The following SH3BP4 variants were observed in gnomAD, a reference collection of about 807,000 sequenced individuals.
SH3BP4 encodes the protein SH3 domain-binding protein 4.
A neutral mutation model predicts 65.5 loss-of-function variants in SH3BP4; 33 were observed. That is an observed-to-expected ratio of 0.50 (90% CI 0.38 to 0.67). The LOEUF (loss-of-function observed/expected upper bound fraction) is 0.67. Ranked by LOEUF, SH3BP4 falls within the 30% of genes least tolerant of loss-of-function variation. The pLI is 0.00. For missense variants in SH3BP4, 1,134 were observed against 1,261.4 expected (o/e 0.90, Z 1.53); for synonymous variants, 552 against 545.5 (o/e 1.01, Z -0.17).
At chr2:235,023,501 C>T (rs868593788) in intron 2 of SH3BP4, among the ~76,000 whole-genome samples, 5 of 151,976 alleles carry the variant, frequency 3.3e-5, no homozygotes, top group South Asian at 4.2e-4. Flanking sequence ...GAGCCGAGAT[C>T]GCATCACTGC....
rs538828641 is a variant in SH3BP4, at chr2:235,052,394, C to T, written c.2479-168C>T. Among the ~76,000 whole-genome samples, 26 of 152,246 alleles carry T rather than the reference C, an allele frequency of 1.7e-4. No homozygotes were observed. Among genetic ancestry groups the T allele is most frequent in the Middle Eastern group, 3.4e-3 (1 of 292 alleles). On this transcript the variant is annotated intron_variant, in intron 4 of 5. Coordinates refer to ENST00000392011, the MANE Select transcript of SH3BP4 (RefSeq NM_014521.3). The surrounding 1 kb of genome is among the most constrained non-coding windows in gnomAD (Gnocchi z 5.0). ...GCTCTGCACATCATCTCTTTTCTCC[C>T]GTGAATCCTGGCAGTGATCGATTTC...
intron 2 of SH3BP4, among the ~76,000 whole-genome samples, chr2:235,029,790 G>T (rs1380866250): frequency 6.6e-6 from 1 of 152,182 alleles, no homozygotes; most frequent in African/African-American, 2.4e-5. Context: ...GGATGGGCGA[G>T]TCGGATCTGA....
intron 2 of SH3BP4, among the ~76,000 whole-genome samples, chr2:235,005,160 T>A (rs1227534665): frequency 2.6e-5 from 4 of 152,200 alleles, no homozygotes; most frequent in Non-Finnish European, 4.4e-5. Flanking sequence ...TGCCCAGGTG[T>A]CACACAGGAG....
Position 235,054,065 on chromosome 2 carries a change from T to C in SH3BP4, c.*249T>C, listed in dbSNP as rs1263926401. On this transcript the variant is annotated 3_prime_UTR_variant, in exon 6 of 6. Transcript: ENST00000392011. ...GTTAAGTATAAATTTAAATTTAAAA[T>C]CACTTTTTTAACGAATGGGGGGAAG... The C allele has an allele frequency of 6.9e-6, 3 of 434,136 alleles. No homozygotes were observed. Among genetic ancestry groups the C allele is most frequent in the Non-Finnish European group, 1.2e-5 (3 of 243,582 alleles). 26.9% of individuals were successfully genotyped at this position (434,136 alleles called of 1,614,324 possible).
intron 2 of SH3BP4, among the ~76,000 whole-genome samples, chr2:235,028,246 G>C (rs1054496414): frequency 6.6e-5 from 10 of 152,262 alleles, no homozygotes; most frequent in African/African-American, 2.4e-4. Flanking sequence ...AGGGGGTCTT[G>C]AGATCCAGTG....
chr2:235,008,878 C>G (rs1217374298), intron 2 of SH3BP4, among the ~76,000 whole-genome samples: 1 of 152,220 alleles, frequency 6.6e-6, no homozygotes, highest in African/African-American at 2.4e-5. Flanking sequence ...ATGGGAGCAG[C>G]TGGCTGCTGC....
At chr2:234,984,148 T>C (rs1242063660) in intron 1 of SH3BP4, among the ~76,000 whole-genome samples, 1 of 152,210 alleles carries the variant, frequency 6.6e-6, no homozygotes, top group East Asian at 1.9e-4. Flanking sequence ...GCTCTGGCAG[T>C]TGTCCTCAGC....
In SH3BP4 at chr2:235,011,799, G is replaced by A. The variant is rs150476008; in HGVS notation, c.-133+16423G>A. Reference sequence around the variant, plus strand: ...AATGAGAAGGATATGAGCATAAGAAGTCTTGCTTTTGGGAAGCAGCCCCAT... The same window carrying A: ...AATGAGAAGGATATGAGCATAAGAAATCTTGCTTTTGGGAAGCAGCCCCAT... On this transcript the variant is annotated intron_variant, in intron 2 of 5. Transcript: ENST00000392011. Among the ~76,000 whole-genome samples, 586 of 152,334 alleles carry A rather than the reference G, an allele frequency of 3.8e-3. 1 individual carries two copies. Among genetic ancestry groups the A allele is most frequent in the Non-Finnish European group, 6.6e-3 (447 of 68,038 alleles).
chr2:235,052,867 G>A lies in SH3BP4; in HGVS notation c.2667+117G>A, dbSNP rs1038531241. ...CGGCATTTCTGTGAGGGTGCAACAGGTGGAAATGTGCACGCATGTGCCCAG... is the reference window on the plus strand; with the variant it reads ...CGGCATTTCTGTGAGGGTGCAACAGATGGAAATGTGCACGCATGTGCCCAG... On this transcript the variant is annotated intron_variant, in intron 5 of 5. Transcript: ENST00000392011. This position sits in a 1 kb window ranked among gnomAD's most constrained non-coding sequence, Gnocchi z 5.0. 1 of 998,276 alleles carries A rather than the reference G, an allele frequency of 1.0e-6. No individual in the cohort carries two copies. Among genetic ancestry groups the A allele is most frequent in the Admixed American group, 2.5e-5 (1 of 39,620 alleles). The allele number at this position is 998,276 out of a possible 1,614,324, so 61.8% of individuals were successfully genotyped here.
chr2:234,967,546 A>T lies in SH3BP4; in HGVS notation c.-207+15376A>T, dbSNP rs10188962. Among the ~76,000 whole-genome samples the T allele has an allele frequency of 0.033, 5,074 of 152,296 alleles. 262 individuals are homozygous for T. The highest frequency in any genetic ancestry group is 0.11 in the African/African-American group (4,407 of 41,550). On this transcript the variant is annotated intron_variant, in intron 1 of 5. Transcript: ENST00000392011. This position sits in a 1 kb window ranked among gnomAD's most constrained non-coding sequence, Gnocchi z 4.6. ...GACCTTCCAGCCCTGCAGCTTCTGC[A>T]GCAGCCTTGCACTTCCCTAAGTGGT...
At chr2:234,970,338 T>TTAAAGA (rs1692961479) in intron 1 of SH3BP4, among the ~76,000 whole-genome samples, 1 of 152,162 alleles carries the variant, frequency 6.6e-6, no homozygotes, top group Non-Finnish European at 1.5e-5. Context: ...ACTGTGAAGG[T>TTAAAGA]TAAAGATACT....
chr2:234,979,296 G>A (rs906627042), intron 1 of SH3BP4, among the ~76,000 whole-genome samples: 3 of 152,124 alleles, frequency 2.0e-5, no homozygotes, highest in Non-Finnish European at 1.5e-5. Flanking sequence ...TCCCCTTCCT[G>A]CAAAAATGTG....
chr2:235,007,496 C>T (rs569554857), intron 2 of SH3BP4, among the ~76,000 whole-genome samples: 1 of 152,250 alleles, frequency 6.6e-6, no homozygotes, highest in Admixed American at 6.5e-5. Flanking sequence ...AGCCTGAGGA[C>T]GCTGCTGCAG....
At chr2:234,962,113 G>A (rs537071123) in intron 1 of SH3BP4, among the ~76,000 whole-genome samples, 2 of 152,226 alleles carry the variant, frequency 1.3e-5, no homozygotes, top group South Asian at 4.2e-4. Context: ...GTTGTTTTCA[G>A]AATTGTTCCT....
At position 235,054,023 on chromosome 2, in the gene SH3BP4, C is replaced by A; in HGVS notation, c.*207C>A. On this transcript the variant is annotated 3_prime_UTR_variant, in exon 6 of 6. Coordinates refer to ENST00000392011, the MANE Select transcript of SH3BP4 (RefSeq NM_014521.3). The stretch of plus-strand genomic sequence containing the variant: ...CTGCCTACTGCAGCTCGTTGCCAAT[C>A]ACATAGCTTTCTATTTGTTAAGTAT... The A allele has an allele frequency of 1.9e-6, 1 of 523,038 alleles. No homozygotes were observed. Among genetic ancestry groups the A allele is most frequent in the Non-Finnish European group, 3.4e-6 (1 of 294,192 alleles). 32.4% of individuals were successfully genotyped at this position (523,038 alleles called of 1,614,324 possible).
chr2:234,955,502 C>T (rs779901997), intron 1 of SH3BP4, among the ~76,000 whole-genome samples: 5 of 152,142 alleles, frequency 3.3e-5, no homozygotes, highest in Non-Finnish European at 7.4e-5. Flanking sequence ...TAACCCAGCA[C>T]CTGATCCCAC....
chr2:235,019,854 A>G (rs1056292681), intron 2 of SH3BP4, among the ~76,000 whole-genome samples: 2 of 148,076 alleles, frequency 1.4e-5, no homozygotes, highest in Non-Finnish European at 3.0e-5. Context: ...GAGTTCCCAA[A>G]CTATACTCTA....
At position 235,019,044 on chromosome 2, in the gene SH3BP4, G is replaced by T. The variant is rs80109092; in HGVS notation, c.-132-15827G>T. On this transcript the variant is annotated intron_variant, in intron 2 of 5. Coordinates refer to ENST00000392011, the MANE Select transcript of SH3BP4 (RefSeq NM_014521.3). ...GCCAGAGGGAACAGCTAGTGCAAGG[G>T]TCCTGGGGCAGGAACAGTTCCGTTG... 6.4e-3 allele frequency among the ~76,000 whole-genome samples: 982 copies of T among 152,340 alleles called. 7 individuals carry two copies. Among genetic ancestry groups the T allele is most frequent in the South Asian group, 0.022 (105 of 4,830 alleles).
chr2:234,980,344 A>C (rs1693337831), intron 1 of SH3BP4, among the ~76,000 whole-genome samples: 1 of 152,262 alleles, frequency 6.6e-6, no homozygotes, highest in African/African-American at 2.4e-5. Context: ...GAACAATTAT[A>C]GCACTATATT....
Sources: gnomAD v4.1 joint callset for allele counts (sites outside exome capture counted in the v4.1 genomes callset) on GRCh38, gnomAD v4.1.1 for gene constraint, Gnocchi (gnomAD v3.1) non-coding constraint, MANE v1.5 for transcripts, NCBI Gene and HGNC (gene_info 2026-07-23, HGNC 2026-07-21) for gene names.